Variants in SYT9 observed in about 807,000 individuals in gnomAD.
SYT9 encodes the protein synaptotagmin-9.
SYT9 carries 22 observed loss-of-function variants against 48.4 expected under a neutral mutation model. The ratio of observed to expected loss-of-function variants is 0.45; its 90% CI spans 0.32 to 0.65. The LOEUF (loss-of-function observed/expected upper bound fraction) is 0.65. SYT9 is among the 30% of genes least tolerant of loss of function. The pLI, the probability that SYT9 is intolerant of heterozygous loss-of-function variation, is 0.03. For missense variants in SYT9, 577 were observed against 622.0 expected (o/e 0.93, Z 0.77); for synonymous variants, 265 against 245.0 (o/e 1.08, Z -0.76).
upstream of SYT9, among the ~76,000 whole-genome samples, chr11:7,247,684 GTA>G (rs71470467): frequency 0.044 from 6,274 of 142,836 alleles, 435 homozygotes; most frequent in African/African-American, 0.15. Context: ...ATATATGTGT[GTA>G]TATATATATA....
At chr11:7,259,831 G>T (rs1848045055) in intron 1 of SYT9, among the ~76,000 whole-genome samples, 1 of 151,926 alleles carries the variant, frequency 6.6e-6, no homozygotes, top group Non-Finnish European at 1.5e-5. Flanking sequence ...AATGAGCTCA[G>T]GTTGTCTGAC....
intron 3 of SYT9, among the ~76,000 whole-genome samples, chr11:7,407,129 TATTTTCTCATTCAACAC>T (rs1470359378): frequency 1.3e-5 from 2 of 152,172 alleles, no homozygotes; most frequent in Non-Finnish European, 2.9e-5. Context: ...AGTTTGCAAG[TATTTTCTCATTCAACAC>T]ATTTTCTCCT....
intron 1 of SYT9, among the ~76,000 whole-genome samples, chr11:7,239,943 G>C (rs191607801): frequency 3.3e-5 from 5 of 152,308 alleles, no homozygotes; most frequent in Admixed American, 3.3e-4. Flanking sequence ...GAAGCTAAGA[G>C]GGAGATCATG....
chr11:7,413,612 T>C (rs1022452021), intron 3 of SYT9, among the ~76,000 whole-genome samples: 13 of 152,188 alleles, frequency 8.5e-5, no homozygotes, highest in African/African-American at 3.1e-4. Context: ...TTGCTTCCAT[T>C]TCCTCTGTTA....
At chr11:7,251,403 T>C (rs909300137), upstream of SYT9, among the ~76,000 whole-genome samples, 2 of 152,194 alleles carry the variant, frequency 1.3e-5, no homozygotes, top group East Asian at 1.9e-4. Flanking sequence ...ACCTTCTCCA[T>C]CCAAATCACC....
upstream of SYT9, among the ~76,000 whole-genome samples, chr11:7,248,996 T>C (rs188885102): frequency 2.6e-5 from 4 of 152,176 alleles, no homozygotes; most frequent in African/African-American, 9.6e-5. Flanking sequence ...TACAGACCAA[T>C]GGAACAGAAT....
chr11:7,283,010 C>A (rs1848530017), intron 1 of SYT9, among the ~76,000 whole-genome samples: 1 of 150,424 alleles, frequency 6.6e-6, no homozygotes, highest in South Asian at 2.1e-4. Flanking sequence ...TTAGAATGGA[C>A]CTGTGGGTCC....
chr11:7,319,410 T>A (rs959036073), intron 3 of SYT9, among the ~76,000 whole-genome samples: 7 of 65,834 alleles, frequency 1.1e-4, no homozygotes, highest in Non-Finnish European at 2.5e-4. Flanking sequence ...TATCATTTCA[T>A]TGTCTTCTGA....
intron 3 of SYT9, among the ~76,000 whole-genome samples, chr11:7,356,407 G>A (rs965956968): frequency 6.6e-6 from 1 of 152,224 alleles, no homozygotes; most frequent in African/African-American, 2.4e-5. Flanking sequence ...CAAGGCTGTA[G>A]CCTTAGCAAC....
At chr11:7,409,941 G>A (rs1847102652) in intron 3 of SYT9, among the ~76,000 whole-genome samples, 1 of 151,978 alleles carries the variant, frequency 6.6e-6, no homozygotes, top group African/African-American at 2.4e-5. Flanking sequence ...TCATTGGGTT[G>A]TTTGTTTGAA....
intron 3 of SYT9, among the ~76,000 whole-genome samples, chr11:7,353,232 T>G (rs946815127): frequency 1.3e-5 from 2 of 152,096 alleles, no homozygotes; most frequent in Non-Finnish European, 2.9e-5. Context: ...GGGGTTTTTT[T>G]CTTCCTAGCT....
chr11:7,337,157 G>C (rs899326120), intron 3 of SYT9, among the ~76,000 whole-genome samples: 2 of 152,050 alleles, frequency 1.3e-5, no homozygotes, highest in Admixed American at 1.3e-4. Context: ...GGCTGTTGCT[G>C]GTGTGTAGGA....
At chr11:7,379,245 T>A (rs1013900487) in intron 3 of SYT9, among the ~76,000 whole-genome samples, 1 of 152,126 alleles carries the variant, frequency 6.6e-6, no homozygotes, top group African/African-American at 2.4e-5. Flanking sequence ...TTAAAAATCA[T>A]GTTTGAATTT....
chr11:7,247,179 T>C (rs1847802229), upstream of SYT9, among the ~76,000 whole-genome samples: 1 of 152,138 alleles, frequency 6.6e-6, no homozygotes, highest in African/African-American at 2.4e-5. Context: ...AGATGATTTG[T>C]GAGATATTGG....
chr11:7,309,775 C>T (rs968581541), intron 2 of SYT9, among the ~76,000 whole-genome samples: 2 of 152,180 alleles, frequency 1.3e-5, no homozygotes, highest in Non-Finnish European at 2.9e-5. Flanking sequence ...TATTTTCAGC[C>T]CCCAGACCTC....
chr11:7,285,928 T>C (rs1356465347), intron 1 of SYT9, among the ~76,000 whole-genome samples: 2 of 152,244 alleles, frequency 1.3e-5, no homozygotes, highest in African/African-American at 4.8e-5. Context: ...CCCACAGCCT[T>C]GGGAGCTCCA....
intron 3 of SYT9, among the ~76,000 whole-genome samples, chr11:7,397,723 G>T (rs764964767): frequency 1.3e-5 from 2 of 151,942 alleles, no homozygotes; most frequent in Non-Finnish European, 2.9e-5. Flanking sequence ...CAGCATATAG[G>T]TCTTGCACAT....
At chr11:7,306,043 T>A (rs1258108564) in intron 2 of SYT9, among the ~76,000 whole-genome samples, 9 of 152,208 alleles carry the variant, frequency 5.9e-5, no homozygotes, top group African/African-American at 1.7e-4. Context: ...ATCAAGCATG[T>A]TCGGTGTCTA....
chr11:7,404,163 T>C (rs116513688), intron 3 of SYT9, among the ~76,000 whole-genome samples: 4,006 of 152,224 alleles, frequency 0.026, 166 homozygotes, highest in African/African-American at 0.088. Flanking sequence ...TTAATTCTTT[T>C]ACTTTTTATC....
Sources: gnomAD v4.1 joint callset for allele counts (sites outside exome capture counted in the v4.1 genomes callset) on GRCh38, gnomAD v4.1.1 for gene constraint, MANE v1.5 for transcripts, NCBI Gene and HGNC (gene_info 2026-07-23, HGNC 2026-07-21) for gene names.